Variants in MORC1 observed in about 807,000 individuals in gnomAD.
MORC1 encodes MORC family CW-type zinc finger protein 1.
A neutral mutation model predicts 134.9 loss-of-function variants in MORC1; 59 were observed. The observed-to-expected ratio is 0.44, with a 90% CI of 0.35 to 0.54. The LOEUF (loss-of-function observed/expected upper bound fraction) is 0.54, where lower values mean the gene tolerates loss of function less well. Among genes scored for constraint, MORC1 ranks in the 20% least tolerant of loss-of-function variants. The pLI is 0.00. For missense variants in MORC1, 947 were observed against 1,134.5 expected (o/e 0.83, Z 2.37); for synonymous variants, 395 against 391.7 (o/e 1.01, Z -0.10).
At chr3:109,101,874 A>AAAGTTT (rs1241546693) in intron 4 of MORC1, among the ~76,000 whole-genome samples, 6 of 152,214 alleles carry the variant, frequency 3.9e-5, no homozygotes, top group African/African-American at 1.4e-4. Flanking sequence ...ATTATAACCC[A>AAAGTTT]AAGTTCTAAG....
intron 24 of MORC1, among the ~76,000 whole-genome samples, chr3:108,975,589 T>C (rs1458627192): frequency 6.6e-6 from 1 of 152,180 alleles, no homozygotes; most frequent in East Asian, 1.9e-4. Context: ...TTAAGTGTTA[T>C]ATAATGCTAG....
At chr3:109,113,761 A>G (rs948860451) in intron 2 of MORC1, among the ~76,000 whole-genome samples, 1 of 147,324 alleles carries the variant, frequency 6.8e-6, no homozygotes, top group African/African-American at 2.4e-5. Context: ...AATCATTAAT[A>G]CATTTATTAG....
At chr3:109,047,417 C>T (rs1253802970) in intron 14 of MORC1, among the ~76,000 whole-genome samples, 1 of 152,086 alleles carries the variant, frequency 6.6e-6, no homozygotes, top group Non-Finnish European at 1.5e-5. Flanking sequence ...CAAAAAACTT[C>T]ATTGTAGATG....
Position 109,054,800 on chromosome 3 carries a change from C to T in MORC1, c.1258G>A (p.Val420Ile). ...PSHNKQEFLN[V>I]QEYNHLLKVM... ...TTTAGTAGATGATTATACTCTTGGACATTGAGAAATTCCTGTTTATTATGG... is the reference window on the plus strand; with the variant it reads ...TTTAGTAGATGATTATACTCTTGGATATTGAGAAATTCCTGTTTATTATGG... Residue 420 changes from valine (V) to isoleucine (I), a missense_variant, in exon 14 of 28, where the codon GTC becomes ATC. Around this residue, in one of 3 missense-constraint regions of MORC1, gnomAD observed 722 missense variants for 817.0 expected, o/e 0.88. Coordinates refer to ENST00000232603, the MANE Select transcript of MORC1 (RefSeq NM_014429.4). The T allele has an allele frequency of 6.2e-7, 1 of 1,606,674 alleles. No individual in the cohort carries two copies. The highest frequency in any genetic ancestry group is 8.5e-7 in the Non-Finnish European group (1 of 1,178,240).
intron 20 of MORC1, 110 bp from the exon 21 acceptor site, chr3:109,000,768 G>T: frequency 1.4e-6 from 1 of 735,592 alleles, no homozygotes; most frequent in Non-Finnish European, 2.2e-6. Context: ...ACTTTTGTAG[G>T]ATATATAGCG....
At chr3:109,103,940 C>G in intron 3 of MORC1, 23 bp from the exon 4 acceptor site, 4 of 1,599,456 alleles carry the variant, frequency 2.5e-6, no homozygotes, top group Non-Finnish European at 3.4e-6. Context: ...GCAGTTATTA[C>G]TAATAAATAT....
chr3:109,089,153 A>G (rs916654796), intron 8 of MORC1, among the ~76,000 whole-genome samples: 4 of 152,022 alleles, frequency 2.6e-5, no homozygotes, highest in Non-Finnish European at 5.9e-5. Context: ...TGTAAAACAA[A>G]CCTCTGTGAC....
chr3:109,083,234 T>C (rs1222764085), intron 8 of MORC1, among the ~76,000 whole-genome samples: 1 of 150,840 alleles, frequency 6.6e-6, no homozygotes, highest in African/African-American at 2.4e-5. Context: ...CAAACAAAAT[T>C]CATCACCACC....
intron 17 of MORC1, among the ~76,000 whole-genome samples, chr3:109,010,602 A>G (rs1387492012): frequency 1.3e-5 from 2 of 152,176 alleles, no homozygotes; most frequent in African/African-American, 4.8e-5. Flanking sequence ...ATATATGTAT[A>G]ATAATCAAGA....
intron 17 of MORC1, among the ~76,000 whole-genome samples, chr3:109,021,212 T>C (rs1434662951): frequency 6.6e-6 from 1 of 152,216 alleles, no homozygotes; most frequent in Non-Finnish European, 1.5e-5. Context: ...TGATAGTCCC[T>C]GATTAACATG....
intron 23 of MORC1, among the ~76,000 whole-genome samples, chr3:108,982,995 C>T (rs1218810422): frequency 2.0e-5 from 3 of 150,072 alleles, no homozygotes; most frequent in Middle Eastern, 3.2e-3. Flanking sequence ...TTCTAACATT[C>T]ATATTGTATT....
At chr3:108,973,598 T>G (rs1450623710) in intron 24 of MORC1, among the ~76,000 whole-genome samples, 1 of 114,962 alleles carries the variant, frequency 8.7e-6, no homozygotes, top group Non-Finnish European at 2.0e-5. Context: ...TGTTTTGGTT[T>G]TTTTTTTTTT....
chr3:109,020,156 C>G (rs964580076), intron 17 of MORC1, among the ~76,000 whole-genome samples: 1 of 152,092 alleles, frequency 6.6e-6, no homozygotes, highest in Non-Finnish European at 1.5e-5. Context: ...TCAAACAAAA[C>G]AAAACAAAAC....
rs1483940739 is a variant in MORC1 at position 109,023,306 on chromosome 3, T to C, written c.1704+4445A>G. Among the ~76,000 whole-genome samples, 5 of 152,282 alleles carry C rather than the reference T, an allele frequency of 3.3e-5. No individual in the cohort carries two copies. The East Asian group carries it at 7.7e-4, about 23-fold the overall frequency. ...AAAGAAACGAATGCTATTATATTAA[T>C]AGAAAGGCAACTAGTGTCAGATTAT... On this transcript the variant is annotated intron_variant, in intron 17 of 27. Coordinates refer to ENST00000232603, the MANE Select transcript of MORC1 (RefSeq NM_014429.4).
intron 19 of MORC1, 62 bp downstream of exon 19, chr3:109,005,008 T>C: frequency 6.3e-7 from 1 of 1,579,356 alleles, no homozygotes; most frequent in Admixed American, 1.8e-5. Flanking sequence ...AAGCAAAACC[T>C]TGACTGAATG....
chr3:108,979,692 A>C, intron 23 of MORC1, 25 bp from the exon 24 acceptor site: 1 of 1,609,094 alleles, frequency 6.2e-7, no homozygotes, highest in Non-Finnish European at 8.5e-7. Context: ...TTCAAAGTAG[A>C]AATCATGTTA....
intron 3 of MORC1, among the ~76,000 whole-genome samples, chr3:109,105,816 T>A (rs1053331689): frequency 1.3e-5 from 2 of 152,176 alleles, no homozygotes; most frequent in African/African-American, 4.8e-5. Flanking sequence ...CCGCTTCTAA[T>A]CCCCTCTTCT....
At chr3:109,025,306 T>G (rs1364527502) in intron 17 of MORC1, among the ~76,000 whole-genome samples, 1 of 152,026 alleles carries the variant, frequency 6.6e-6, no homozygotes, top group Non-Finnish European at 1.5e-5. Flanking sequence ...TTCCCTCTAT[T>G]TATCCTAAAT....
At chr3:109,058,454 A>C (rs1427847817) in intron 12 of MORC1, among the ~76,000 whole-genome samples, 1 of 152,056 alleles carries the variant, frequency 6.6e-6, no homozygotes, top group Non-Finnish European at 1.5e-5. Flanking sequence ...TCTCTCCACA[A>C]ACTTGGCCTT....
Sources: allele counts gnomAD v4.1 joint callset (sites outside exome capture counted in the v4.1 genomes callset), GRCh38; gene constraint gnomAD v4.1.1; regional missense constraint gnomAD v4.1.1; transcripts MANE v1.5; gene names NCBI Gene and HGNC (gene_info 2026-07-23, HGNC 2026-07-21).